PRIM2: variants seen among roughly 807,000 people sequenced by gnomAD.
PRIM2 encodes the protein DNA primase large subunit.
In PRIM2, 39 loss-of-function variants were observed where a neutral mutation model predicts 67.3. That is an observed-to-expected ratio of 0.58 (90% CI 0.45 to 0.76). The LOEUF (loss-of-function observed/expected upper bound fraction) is 0.76, where lower values mean the gene tolerates loss of function less well. Ranked by LOEUF, PRIM2 falls within the 30% of genes least tolerant of loss-of-function variation. The pLI is 0.00. For missense variants in PRIM2, 398 were observed against 598.7 expected (o/e 0.66, Z 3.50); for synonymous variants, 143 against 198.7 (o/e 0.72, Z 2.36).
chr6:57,635,879 A>G (rs1777113491), intron 13 of PRIM2, among the ~76,000 whole-genome samples: 1 of 152,192 alleles, frequency 6.6e-6, no homozygotes, highest in Non-Finnish European at 1.5e-5. Context: ...GACCTTTAAA[A>G]TAGAGGAATC....
the PRIM2 span, among the ~76,000 whole-genome samples, chr6:57,260,789 G>A: frequency 2.0e-5 from 3 of 152,140 alleles, no homozygotes; most frequent in African/African-American, 7.2e-5. Context: ...AAAAGCAGGA[G>A]GAGAGAAAAT....
intron 5 of PRIM2, among the ~76,000 whole-genome samples, chr6:57,328,696 A>G (rs1767954339): frequency 6.6e-6 from 1 of 152,174 alleles, no homozygotes; most frequent in Non-Finnish European, 1.5e-5. Context: ...TAGAATTGCT[A>G]GGTCATAGGG....
At chr6:57,222,752 G>A in the PRIM2 span, among the ~76,000 whole-genome samples, 1 of 152,164 alleles carries the variant, frequency 6.6e-6, no homozygotes, top group South Asian at 2.1e-4. Flanking sequence ...CTTTGCTTCA[G>A]TTGTTTTTAT....
chr6:57,424,950 C>T (rs1280664656), intron 7 of PRIM2, among the ~76,000 whole-genome samples: 3 of 152,020 alleles, frequency 2.0e-5, no homozygotes, highest in African/African-American at 7.2e-5. Context: ...CAAGAAAAAC[C>T]TTGCTAGTGT....
chr6:57,394,389 G>A (rs1770453048), intron 7 of PRIM2, among the ~76,000 whole-genome samples: 1 of 151,958 alleles, frequency 6.6e-6, no homozygotes. Context: ...CCTTGGTTAG[G>A]TATATTCTTA....
intron 7 of PRIM2, among the ~76,000 whole-genome samples, chr6:57,419,128 C>T (rs1274234779): frequency 1.3e-5 from 2 of 151,880 alleles, no homozygotes; most frequent in Non-Finnish European, 2.9e-5. Flanking sequence ...TTAGGATGCT[C>T]TTGCAATATT....
chr6:57,519,006 G>A (rs1554348572), intron 8 of PRIM2, among the ~76,000 whole-genome samples: 20 of 152,132 alleles, frequency 1.3e-4, no homozygotes, highest in African/African-American at 4.8e-4. Context: ...CTGGGTGTCC[G>A]GGGGAGACAT....
intron 7 of PRIM2, chr6:57,505,159 A>G (rs1357367077): frequency 6.6e-6 from 1 of 152,252 alleles, no homozygotes; most frequent in Non-Finnish European, 1.5e-5. Context: ...TTATTACTTC[A>G]TATCCTTAAC....
At chr6:57,613,736 A>G (rs1387627597) in intron 12 of PRIM2, among the ~76,000 whole-genome samples, 1 of 152,240 alleles carries the variant, frequency 6.6e-6, no homozygotes, top group African/African-American at 2.4e-5. Flanking sequence ...AAGGCCAGGT[A>G]CTACCTGCAC....
At chr6:57,292,407 A>C in the PRIM2 span, among the ~76,000 whole-genome samples, 3 of 152,200 alleles carry the variant, frequency 2.0e-5, no homozygotes, top group Non-Finnish European at 2.9e-5. Flanking sequence ...ATATCATGAA[A>C]ATGGCCATAC....
At chr6:57,255,765 AC>A in the PRIM2 span, among the ~76,000 whole-genome samples, 1 of 150,144 alleles carries the variant, frequency 6.7e-6, no homozygotes, top group Non-Finnish European at 1.5e-5. Context: ...TCATAAAAAA[AC>A]TTCAAGGCTA....
intron 7 of PRIM2, among the ~76,000 whole-genome samples, chr6:57,450,015 C>G (rs1450187962): frequency 2.0e-5 from 3 of 152,080 alleles, no homozygotes; most frequent in Non-Finnish European, 4.4e-5. Context: ...TTTTGCCTGT[C>G]ACATTACTTG....
the PRIM2 span, among the ~76,000 whole-genome samples, chr6:57,230,206 G>A: frequency 3.7e-3 from 567 of 152,222 alleles, 2 homozygotes; most frequent in African/African-American, 0.013. Context: ...CTTCCTTGTC[G>A]CTTCCCTGTT....
intron 5 of PRIM2, among the ~76,000 whole-genome samples, chr6:57,327,394 C>A (rs988204978): frequency 6.6e-6 from 1 of 152,110 alleles, no homozygotes; most frequent in African/African-American, 2.4e-5. Flanking sequence ...TCCTGTCTGA[C>A]AAGTAGAAGA....
At chr6:57,341,388 A>G (rs1358762763) in intron 5 of PRIM2, among the ~76,000 whole-genome samples, 4 of 152,316 alleles carry the variant, frequency 2.6e-5, no homozygotes, top group African/African-American at 9.6e-5. Flanking sequence ...CATGGAAGAT[A>G]GAGTAACAAA....
At chr6:57,230,398 T>C in the PRIM2 span, among the ~76,000 whole-genome samples, 54 of 152,358 alleles carry the variant, frequency 3.5e-4, no homozygotes, top group Non-Finnish European at 6.8e-4. Context: ...TCTTGGCCTG[T>C]CAGGACCACT....
At chr6:57,409,899 ATTATC>A (rs1257581212) in intron 7 of PRIM2, among the ~76,000 whole-genome samples, 4 of 152,166 alleles carry the variant, frequency 2.6e-5, no homozygotes, top group Admixed American at 6.5e-5. Flanking sequence ...TTTTTCCTGT[ATTATC>A]TTTTTGAAAT....
At chr6:57,598,209 T>A (rs1186068524) in intron 10 of PRIM2, among the ~76,000 whole-genome samples, 1 of 152,186 alleles carries the variant, frequency 6.6e-6, no homozygotes, top group Non-Finnish European at 1.5e-5. Context: ...CTGATAATTC[T>A]GTTTGTGCCA....
At chr6:57,553,278 G>T (rs1298654359) in intron 10 of PRIM2, among the ~76,000 whole-genome samples, 1 of 152,176 alleles carries the variant, frequency 6.6e-6, no homozygotes, top group South Asian at 2.1e-4. Flanking sequence ...ATAATTTGAT[G>T]TCTCTTTACC....
Sources: gnomAD v4.1 joint callset for allele counts (sites outside exome capture counted in the v4.1 genomes callset) on GRCh38, gnomAD v4.1.1 for gene constraint, MANE v1.5 for transcripts, NCBI Gene and HGNC (gene_info 2026-07-23, HGNC 2026-07-21) for gene names.